Variants in ADGRL3 observed in about 807,000 individuals in gnomAD.
ADGRL3 encodes calcium-independent alpha-latrotoxin receptor 3.
ADGRL3 carries 62 observed loss-of-function variants against 153.5 expected under a neutral mutation model. That is an observed-to-expected ratio of 0.40 (90% CI 0.33 to 0.50). The LOEUF is 0.50. Ranked by LOEUF, ADGRL3 falls within the 20% of genes least tolerant of loss-of-function variation. ADGRL3 has a pLI of 0.47. For synonymous variants in ADGRL3, 710 were observed against 672.5 expected (o/e 1.06, Z -0.86); for missense variants, 1,641 against 1,859.4 (o/e 0.88, Z 2.16).
chr4:61,894,418 T>G (rs2098611898), intron 10 of ADGRL3, among the ~76,000 whole-genome samples: 2 of 152,280 alleles, frequency 1.3e-5, no homozygotes, highest in East Asian at 3.9e-4. Context: ...CTCATTTTAT[T>G]TAGGAAAAAG....
At chr4:61,757,653 C>G (rs2096853116) in intron 8 of ADGRL3, among the ~76,000 whole-genome samples, 1 of 151,956 alleles carries the variant, frequency 6.6e-6, no homozygotes, top group Non-Finnish European at 1.5e-5. Flanking sequence ...TATTTCTTGC[C>G]TTCTACTAGC....
intron 1 of ADGRL3, among the ~76,000 whole-genome samples, chr4:61,271,913 G>A (rs540073722): frequency 6.6e-6 from 1 of 152,082 alleles, no homozygotes; most frequent in African/African-American, 2.4e-5. Flanking sequence ...GTTCATTTGT[G>A]TGATGTTTAA....
At chr4:61,491,427 A>G (rs1489449025) in intron 2 of ADGRL3, among the ~76,000 whole-genome samples, 2 of 152,154 alleles carry the variant, frequency 1.3e-5, no homozygotes, top group Non-Finnish European at 2.9e-5. Context: ...ATCTTTGGTT[A>G]CTATGGACAG....
intron 13 of ADGRL3, among the ~76,000 whole-genome samples, chr4:61,917,663 G>A (rs2098750921): frequency 6.6e-6 from 1 of 152,158 alleles, no homozygotes; most frequent in Admixed American, 6.5e-5. Context: ...GTGAATTGCA[G>A]AAGTTCTTGA....
intron 1 of ADGRL3, among the ~76,000 whole-genome samples, chr4:61,210,108 A>T (rs542241938): frequency 5.3e-5 from 8 of 152,334 alleles, no homozygotes. Flanking sequence ...AAGAGAAGTT[A>T]TTAAAATGTG....
chr4:61,980,245 G>A (rs1253577121), intron 18 of ADGRL3, among the ~76,000 whole-genome samples: 1 of 144,900 alleles, frequency 6.9e-6, no homozygotes, highest in African/African-American at 2.5e-5. Flanking sequence ...TCACTGCCTT[G>A]AAAATCATCT....
chr4:61,813,882 T>A lies in ADGRL3; in HGVS notation c.1473T>A (p.Ser491=), dbSNP rs763251045. The change falls in exon 9 of 27, where the codon TCT becomes TCA. Residue 491 remains serine, a synonymous_variant. Transcript: ENST00000683033. ...TTGACTCTGAGCTAGAAAGACCCTC[T>A]GTTAAAGGTGAGTTTTTCTTTATAT... is the stretch of plus-strand genomic sequence containing the variant. The part of the protein sequence containing the change: ...IHLDSELERP[S]VKDISTTGPL... 6 of 1,596,854 alleles carry A rather than the reference T, an allele frequency of 3.8e-6. No homozygotes were observed. Among genetic ancestry groups the A allele is most frequent in the Non-Finnish European group, 5.2e-6 (6 of 1,164,530 alleles).
intron 6 of ADGRL3, among the ~76,000 whole-genome samples, chr4:61,693,849 A>G (rs2095584644): frequency 6.6e-6 from 1 of 152,148 alleles, no homozygotes; most frequent in Non-Finnish European, 1.5e-5. Flanking sequence ...AAACAGATAT[A>G]CTTTGATTCC....
chr4:61,891,155 C>T (rs374870147), intron 9 of ADGRL3, among the ~76,000 whole-genome samples: 4 of 151,884 alleles, frequency 2.6e-5, no homozygotes, highest in Admixed American at 6.6e-5. Context: ...CTACTGCTTT[C>T]GTTAACAAAT....
intron 4 of ADGRL3, among the ~76,000 whole-genome samples, chr4:61,574,464 G>A (rs2098856327): frequency 6.6e-6 from 1 of 151,790 alleles, no homozygotes; most frequent in African/African-American, 2.4e-5. Context: ...AATACAGTGA[G>A]CAAGGTAATT....
At chr4:61,990,274 G>C (rs2099099201) in intron 19 of ADGRL3, among the ~76,000 whole-genome samples, 2 of 151,858 alleles carry the variant, frequency 1.3e-5, no homozygotes, top group South Asian at 4.1e-4. Context: ...AGTGACTAAA[G>C]CCAGTTATAA....
intron 21 of ADGRL3, among the ~76,000 whole-genome samples, chr4:62,006,570 T>A (rs1385542450): frequency 1.4e-5 from 2 of 144,414 alleles, no homozygotes; most frequent in Admixed American, 7.0e-5. Context: ...GAATCATCAA[T>A]GTATAGATTT....
intron 2 of ADGRL3, among the ~76,000 whole-genome samples, chr4:61,442,045 T>G (rs1364066039): frequency 6.6e-6 from 1 of 152,190 alleles, no homozygotes; most frequent in Non-Finnish European, 1.5e-5. Flanking sequence ...AAATGTTTAA[T>G]GCACCTAGGA....
chr4:62,009,408 G>A (rs1021509823), intron 21 of ADGRL3, among the ~76,000 whole-genome samples: 1 of 151,726 alleles, frequency 6.6e-6, no homozygotes, highest in Non-Finnish European at 1.5e-5. Context: ...AAAATATAGA[G>A]TTATATATTA....
rs183327708 is a variant in ADGRL3 at position 61,231,507 on chromosome 4, A to G, written c.-240+29742A>G. ...TTCATTCTTTTCTTTCTTTGAGAAC[A>G]CTGTAGTTTATTTCTACATCTCCAT... On this transcript the variant is annotated intron_variant, in intron 1 of 26. Coordinates refer to ENST00000683033, the MANE Select transcript of ADGRL3 (RefSeq NM_001387552.1). Among the ~76,000 whole-genome samples, 10 of 152,102 alleles carry G rather than the reference A, an allele frequency of 6.6e-5. No individual in the cohort carries two copies. In the East Asian group the frequency reaches 1.9e-3, roughly 30 times the overall value.
At chr4:61,619,531 ACACACAC>A (rs1177905336) in intron 5 of ADGRL3, among the ~76,000 whole-genome samples, 5 of 151,774 alleles carry the variant, frequency 3.3e-5, no homozygotes, top group African/African-American at 1.2e-4. Flanking sequence ...ACACACACAC[ACACACAC>A]ACACACACAC....
At chr4:61,319,494 T>C (rs539597524) in intron 1 of ADGRL3, among the ~76,000 whole-genome samples, 1 of 152,280 alleles carries the variant, frequency 6.6e-6, no homozygotes, top group South Asian at 2.1e-4. Context: ...CCATGTTGTG[T>C]TAGTCTAGAA....
chr4:62,044,288 A>G (rs529735544), intron 24 of ADGRL3, among the ~76,000 whole-genome samples, 165 bp from the exon 25 acceptor site: 1 of 152,196 alleles, frequency 6.6e-6, no homozygotes, highest in South Asian at 2.1e-4. Flanking sequence ...CATGAAAGTT[A>G]TTTCTGATGT....
At chr4:61,567,473 C>A (rs554294244) in intron 4 of ADGRL3, among the ~76,000 whole-genome samples, 6 of 152,186 alleles carry the variant, frequency 3.9e-5, no homozygotes, top group Non-Finnish European at 8.8e-5. Flanking sequence ...CCTCAGAGAG[C>A]TGACTTGCCC....
Sources: allele counts gnomAD v4.1 joint callset (sites outside exome capture counted in the v4.1 genomes callset), GRCh38; gene constraint gnomAD v4.1.1; transcripts MANE v1.5; gene names NCBI Gene and HGNC (gene_info 2026-07-23, HGNC 2026-07-21).